PARVB: variants seen among roughly 807,000 people sequenced by gnomAD.
The protein encoded by PARVB is parvin beta.
In PARVB, 46 loss-of-function variants were observed where a neutral mutation model predicts 47.0. The observed-to-expected ratio is 0.98, with a 90% CI of 0.77 to 1.25. The LOEUF is 1.25. Among genes scored for constraint, PARVB ranks in the 50% most tolerant of loss-of-function variants. The pLI is 0.00. For synonymous variants in PARVB, 196 were observed against 196.3 expected, an observed-to-expected ratio of 1.00 and a Z score of 0.01; for missense variants, 473 against 471.6, an observed-to-expected ratio of 1.00 and a Z score of -0.03.
intron 1 of PARVB, among the ~76,000 whole-genome samples, chr22:44,038,968 C>T (rs530137105): frequency 1.3e-5 from 2 of 152,246 alleles, no homozygotes; most frequent in East Asian, 1.9e-4. Context: ...TGAACAGACA[C>T]GTCACCAAAG....
rs1267691462 is a variant in PARVB at position 44,168,822 on chromosome 22, C to T, written c.*144C>T. The stretch of plus-strand genomic sequence containing the variant: ...TCATCCCCACCCCACCCCTACCTCA[C>T]GCCTGCCCCACCCCCTGCCTCTTTT... On this transcript the variant is annotated 3_prime_UTR_variant, in exon 13 of 13. Coordinates refer to ENST00000338758, the MANE Select transcript of PARVB (RefSeq NM_013327.5). The T allele has an allele frequency of 3.5e-5, 21 of 604,964 alleles. No homozygotes were observed. The East Asian group carries it at 3.7e-4, about 11-fold the overall frequency. The allele number at this position is 604,964 out of a possible 1,614,324, so 37.5% of individuals were successfully genotyped here.
chr22:44,136,614 G>A, intron 7 of PARVB, 96 bp downstream of exon 7: 2 of 973,684 alleles, frequency 2.1e-6, no homozygotes, highest in South Asian at 1.3e-5. Context: ...GCGCCCATGG[G>A]GCTGCTCCCG....
At chr22:44,136,411 C>G in intron 6 of PARVB, 49 bp from the exon 7 acceptor site, 2 of 1,549,206 alleles carry the variant, frequency 1.3e-6, no homozygotes, top group East Asian at 2.2e-5. Context: ...GTGCATCTTT[C>G]CTCAACTCTC....
At chr22:44,029,685 A>C (rs1348654307) in intron 1 of PARVB, among the ~76,000 whole-genome samples, 1 of 151,534 alleles carries the variant, frequency 6.6e-6, no homozygotes, top group Non-Finnish European at 1.5e-5. Context: ...CTGAAGCGGC[A>C]GATCACCTGA....
chr22:44,095,128 G>A (rs1417844044), intron 2 of PARVB, among the ~76,000 whole-genome samples: 3 of 152,106 alleles, frequency 2.0e-5, no homozygotes, highest in Non-Finnish European at 4.4e-5. Context: ...CTCACAGAGG[G>A]TGGTTTACCA....
chr22:44,163,936 GC>G lies in PARVB; in HGVS notation c.1018+10del. On this transcript the variant is annotated splice_region_variant and intron_variant, in intron 12 of 12. Transcript: ENST00000338758. ...ACCCAAGGCTCGTCCTGAAGGTAAT[GC>G]CCCTGGCTCAGGTTCCCCCGGGAGA... is the stretch of plus-strand genomic sequence containing the variant. 6.2e-7 allele frequency: 1 copy of G among 1,606,734 alleles called. No individual in the cohort carries two copies. Among genetic ancestry groups the G allele is most frequent in the South Asian group, 1.1e-5 (1 of 89,240 alleles).
At position 44,151,485 on chromosome 22, in the gene PARVB, T is replaced by G. The variant is rs142898569; in HGVS notation, c.777T>G (p.Ser259=). ...TGTGTCTCTTTTATTCTTGGCAGTC[T>G]CTCATCACTTTTGTGAACAAGCACC... ...APDKLSVVKK[S]LITFVNKHLN... The change falls in exon 10 of 13, where the codon TCT becomes TCG. Residue 259 remains serine, a splice_region_variant and synonymous_variant. Coordinates refer to ENST00000338758, the MANE Select transcript of PARVB (RefSeq NM_013327.5). 371 of 1,613,436 alleles carry G rather than the reference T, an allele frequency of 2.3e-4. No individual in the cohort carries two copies. The African/African-American group carries it at 4.3e-3, about 19-fold the overall frequency.
In PARVB at chr22:44,131,646, G is replaced by T. The variant is rs775644678; in HGVS notation, c.517+19G>T. ...GTGGACTGTGAGTTCCACGCCACAGGGGGAGGGACTGTCTGGAGGGAGCCC... is the reference window on the plus strand; with the variant it reads ...GTGGACTGTGAGTTCCACGCCACAGTGGGAGGGACTGTCTGGAGGGAGCCC... On this transcript the variant is annotated intron_variant, in intron 5 of 12. Coordinates refer to ENST00000338758, the MANE Select transcript of PARVB (RefSeq NM_013327.5). 5.6e-6 allele frequency: 9 copies of T among 1,596,614 alleles called. No individual in the cohort carries two copies. The highest frequency in any genetic ancestry group is 3.5e-5 in the Admixed American group (2 of 56,380).
intron 2 of PARVB, among the ~76,000 whole-genome samples, chr22:44,014,826 C>CA (rs372820780): frequency 2.7e-5 from 4 of 150,478 alleles, no homozygotes; most frequent in African/African-American, 9.7e-5. Flanking sequence ...ACATACAAGA[C>CA]AAAAAAATCA....
At chr22:44,079,325 G>C (rs2051847037) in intron 1 of PARVB, among the ~76,000 whole-genome samples, 2 of 152,242 alleles carry the variant, frequency 1.3e-5, no homozygotes, top group Admixed American at 6.5e-5. Context: ...GCTCCAGCCT[G>C]AGAACCTGGT....
chr22:44,085,156 A>C (rs2051995467), intron 1 of PARVB, among the ~76,000 whole-genome samples: 1 of 152,140 alleles, frequency 6.6e-6, no homozygotes, highest in African/African-American at 2.4e-5. Context: ...TATTTATTTT[A>C]AAGTGTCTCA....
intron 1 of PARVB, among the ~76,000 whole-genome samples, chr22:44,043,809 T>C (rs879721884): frequency 4.6e-5 from 7 of 152,182 alleles, no homozygotes; most frequent in Non-Finnish European, 7.4e-5. Context: ...TTGGTATTCG[T>C]TGCATGTTTC....
intron 4 of PARVB, among the ~76,000 whole-genome samples, chr22:44,123,380 GGA>G (rs902841113): frequency 6.6e-6 from 1 of 151,962 alleles, no homozygotes; most frequent in South Asian, 2.1e-4. Context: ...ATTTTGAGAG[GGA>G]GAGAGAGGAA....
At chr22:44,126,113 C>G (rs2053180278) in intron 4 of PARVB, among the ~76,000 whole-genome samples, 1 of 152,104 alleles carries the variant, frequency 6.6e-6, no homozygotes, top group South Asian at 2.1e-4. Flanking sequence ...GCCTGGAGTC[C>G]AGGCTGCAGT....
intron 8 of PARVB, chr22:44,144,809 CCAAAACAAAA>C (rs1288231507): frequency 6.6e-6 from 1 of 152,254 alleles, no homozygotes; most frequent in African/African-American, 2.4e-5. Flanking sequence ...AGCCTAAAGA[CCAAAACAAAA>C]CAAAAGAAAA....
intron 1 of PARVB, among the ~76,000 whole-genome samples, chr22:44,043,390 T>A (rs765081046): frequency 5.3e-5 from 8 of 152,058 alleles, no homozygotes; most frequent in Non-Finnish European, 7.4e-5. Context: ...ATTTATTTAT[T>A]TATTTTGAGA....
In PARVB at chr22:44,154,521, AT is replaced by A. The variant is rs529109714; in HGVS notation, c.843+2971del. Among the ~76,000 whole-genome samples, 25 of 132,334 alleles carry A rather than the reference AT, an allele frequency of 1.9e-4. 1 individual carries two copies. The East Asian group carries it at 6.0e-3, about 32-fold the overall frequency. 86.8% of individuals were successfully genotyped at this position (132,334 alleles called of 152,430 possible). On this transcript the variant is annotated intron_variant, in intron 10 of 12. Coordinates refer to ENST00000338758, the MANE Select transcript of PARVB (RefSeq NM_013327.5). ...GGGGGTGTGTGTGTGTGTGTGGTTTATGTAGTCTGGTGGGTGTGTGTGTGTG... is the reference window on the plus strand; with the variant it reads ...GGGGGTGTGTGTGTGTGTGTGGTTTAGTAGTCTGGTGGGTGTGTGTGTGTG...
intron 1 of PARVB, among the ~76,000 whole-genome samples, chr22:44,040,711 G>A (rs2051002577): frequency 1.3e-5 from 2 of 152,322 alleles, no homozygotes; most frequent in South Asian, 4.1e-4. Context: ...GGAACCACAA[G>A]ATAGAAATTT....
chr22:44,092,294 A>G (rs1395204342), intron 1 of PARVB, among the ~76,000 whole-genome samples: 12 of 152,220 alleles, frequency 7.9e-5, no homozygotes, highest in African/African-American at 2.9e-4. Context: ...TATTTTTAGT[A>G]GAGACAAGGT....
Sources: allele counts gnomAD v4.1 joint callset (sites outside exome capture counted in the v4.1 genomes callset), GRCh38; gene constraint gnomAD v4.1.1; transcripts MANE v1.5; gene names NCBI Gene and HGNC (gene_info 2026-07-23, HGNC 2026-07-21).